The following CDK12 variants were observed in gnomAD, a reference collection of about 807,000 sequenced individuals.
CDK12 encodes cyclin dependent kinase 12.
CDK12 carries 17 observed loss-of-function variants against 133.8 expected under a neutral mutation model. The observed-to-expected ratio is 0.13, with a 90% CI of 0.09 to 0.19. CDK12 has a LOEUF of 0.19. Ranked by LOEUF, CDK12 falls within the 10% of genes least tolerant of loss-of-function variation. The pLI is 1.00. For missense variants in CDK12, 1,508 were observed against 1,818.7 expected, an observed-to-expected ratio of 0.83 and a Z score of 3.11; for synonymous variants, 694 against 683.6, an observed-to-expected ratio of 1.02 and a Z score of -0.24.
intron 2 of CDK12, among the ~76,000 whole-genome samples, chr17:39,476,390 T>G (rs2050192174): frequency 6.6e-6 from 1 of 151,972 alleles, no homozygotes; most frequent in Non-Finnish European, 1.5e-5. Flanking sequence ...ATTACTGGCA[T>G]GAATCCCCGT....
At chr17:39,496,493 A>T (rs1283535575) in intron 5 of CDK12, among the ~76,000 whole-genome samples, 2 of 151,946 alleles carry the variant, frequency 1.3e-5, no homozygotes, top group African/African-American at 2.4e-5. Context: ...TGAGGTCGGG[A>T]GTTTGAGATC....
At chr17:39,538,899 A>G (rs1490084423), downstream of CDK12, among the ~76,000 whole-genome samples, 2 of 54,170 alleles carry the variant, frequency 3.7e-5, no homozygotes, top group Admixed American at 1.9e-4. Flanking sequence ...ACTCCATCTC[A>G]AATAAATACA....
chr17:39,466,182 C>T (rs1450836475), intron 1 of CDK12, among the ~76,000 whole-genome samples: 1 of 151,686 alleles, frequency 6.6e-6, no homozygotes, highest in Non-Finnish European at 1.5e-5. Flanking sequence ...GTGGCATGCA[C>T]CTATAATCCC....
At chr17:39,495,534 G>A (rs185811418) in intron 5 of CDK12, among the ~76,000 whole-genome samples, 1 of 151,782 alleles carries the variant, frequency 6.6e-6, no homozygotes, top group African/African-American at 2.4e-5. Flanking sequence ...GCTCACGCCT[G>A]TAATCCTGGC....
chr17:39,544,647 T>G (rs1327182885), upstream of CDK12, among the ~76,000 whole-genome samples: 2 of 146,706 alleles, frequency 1.4e-5, no homozygotes, highest in Non-Finnish European at 3.0e-5. Context: ...TTTTTTTTTT[T>G]TTATGGAGTT....
chr17:39,544,275 T>C, upstream of CDK12: 1 of 488,172 alleles, frequency 2.0e-6, no homozygotes, highest in Middle Eastern at 3.1e-4. Flanking sequence ...GAATGCCCTC[T>C]GAGGAATGCA....
chr17:39,532,407 C>G lies in CDK12; in HGVS notation c.*1091C>G, dbSNP rs1194287814. On this transcript the variant is annotated 3_prime_UTR_variant, in exon 14 of 14. Transcript: ENST00000447079. ...TGTGGTTAGAGATGATGCCTCCATT[C>G]CTAGAGGGCTAATAACAGCATTTAG... 8.6e-6 allele frequency: 2 copies of G among 232,728 alleles called. No individual in the cohort carries two copies. The highest frequency in any genetic ancestry group is 2.2e-5 in the African/African-American group (1 of 45,234). The allele number at this position is 232,728 out of a possible 1,614,324, so 14.4% of individuals were successfully genotyped here.
intron 2 of CDK12, among the ~76,000 whole-genome samples, chr17:39,481,655 T>G (rs1341709344): frequency 0.013 from 156 of 12,200 alleles, 27 homozygotes; most frequent in Middle Eastern, 0.036. Context: ...TCTCTCTCTC[T>G]CTCTCTCTCT....
chr17:39,560,804 C>A, intron 3 of CDK12, among the ~76,000 whole-genome samples: 1 of 152,180 alleles, frequency 6.6e-6, no homozygotes, highest in South Asian at 2.1e-4. Context: ...ACTTGAGGTC[C>A]AGGAGTTTGA....
intron 2 of CDK12, among the ~76,000 whole-genome samples, chr17:39,484,893 G>A (rs186814783): frequency 3.9e-5 from 6 of 152,046 alleles, no homozygotes; most frequent in South Asian, 4.1e-4. Flanking sequence ...CACTCAGGCC[G>A]GGTGCGGTGG....
intron 2 of CDK12, among the ~76,000 whole-genome samples, chr17:39,552,293 G>A (rs1404969868): frequency 1.3e-5 from 2 of 152,206 alleles, no homozygotes. Context: ...CTGTGCCAAG[G>A]GGCTGGAAAG....
downstream of CDK12, among the ~76,000 whole-genome samples, chr17:39,537,249 T>A (rs1410597261): frequency 1.3e-5 from 2 of 152,152 alleles, no homozygotes; most frequent in African/African-American, 4.8e-5. Flanking sequence ...TTGGTGAGGA[T>A]CAGCTTGTAG....
chr17:39,466,730 T>C (rs2049351448), intron 1 of CDK12, among the ~76,000 whole-genome samples: 1 of 145,714 alleles, frequency 6.9e-6, no homozygotes. Flanking sequence ...AGACACAATA[T>C]GGTAGCGTAG....
chr17:39,481,029 G>A (rs1248557039), intron 2 of CDK12, among the ~76,000 whole-genome samples: 3 of 152,022 alleles, frequency 2.0e-5, no homozygotes, highest in African/African-American at 4.8e-5. Context: ...CGAGGCCGGC[G>A]GATCACCTGA....
chr17:39,546,648 T>C (rs2055722791), upstream of CDK12: 1 of 152,266 alleles, frequency 6.6e-6, no homozygotes, highest in African/African-American at 2.4e-5. Context: ...GTCCAAACAC[T>C]GTGTGAGACA....
intron 11 of CDK12, among the ~76,000 whole-genome samples, chr17:39,523,231 T>C (rs1242921620): frequency 6.6e-6 from 1 of 152,078 alleles, no homozygotes; most frequent in East Asian, 1.9e-4. Flanking sequence ...CCCAGCACTT[T>C]GGGAGGCTGA....
Position 39,481,712 on chromosome 17 carries a change from TTCTC to T in CDK12, c.1932-8843_1932-8840del, listed in dbSNP as rs1284407696. Among the ~76,000 whole-genome samples the T allele has an allele frequency of 1.2e-3, 8 of 6,802 alleles. 1 individual carries two copies. The highest frequency in any genetic ancestry group is 4.2e-3 in the Non-Finnish European group (8 of 1,912). 4.5% of individuals were successfully genotyped at this position (6,802 alleles called of 152,430 possible). ...TCTCTCTCTCTCTCTCTCTCTCTCT[TTCTC>T]TTTTCTTTTTTCTTTTTTTTTTTTG... On this transcript the variant is annotated intron_variant, in intron 2 of 13. Coordinates refer to ENST00000447079, the MANE Select transcript of CDK12 (RefSeq NM_016507.4).
rs796210560 is a variant in CDK12 at position 39,532,598 on chromosome 17, T to TA, written c.*1289dup. ...AGATACATCAATACCTGACCTTTTT[T>TA]AAAAAAATAATTTTAAAACAGCATA... is the stretch of plus-strand genomic sequence containing the variant. On this transcript the variant is annotated 3_prime_UTR_variant, in exon 14 of 14. Transcript: ENST00000447079. 144 of 232,254 alleles carry TA rather than the reference T, an allele frequency of 6.2e-4. 1 individual carries two copies. The highest frequency in any genetic ancestry group is 2.8e-3 in the African/African-American group (127 of 45,394). 14.4% of individuals were successfully genotyped at this position (232,254 alleles called of 1,614,324 possible).
At chr17:39,516,276 A>T (rs1239767714) in intron 9 of CDK12, among the ~76,000 whole-genome samples, 2 of 152,164 alleles carry the variant, frequency 1.3e-5, no homozygotes, top group Non-Finnish European at 2.9e-5. Context: ...AAAGCCCAGG[A>T]TTGGGCTGGC....
Sources: gnomAD v4.1 joint callset for allele counts (sites outside exome capture counted in the v4.1 genomes callset) on GRCh38, gnomAD v4.1.1 for gene constraint, MANE v1.5 for transcripts, NCBI Gene and HGNC (gene_info 2026-07-23, HGNC 2026-07-21) for gene names.